TRPC6: variants seen among roughly 807,000 people sequenced by gnomAD.
TRPC6 encodes short transient receptor potential channel 6.
Under a neutral mutation model 90.7 loss-of-function variants are expected in TRPC6, and 55 were observed. That is an observed-to-expected ratio of 0.61 (90% confidence interval 0.49 to 0.76). The LOEUF is 0.76. Among genes scored for constraint, TRPC6 ranks in the 30% least tolerant of loss-of-function variants. The pLI is 0.00. For missense variants in TRPC6, 989 were observed against 1,122.7 expected, an observed-to-expected ratio of 0.88 and a Z score of 1.70; for synonymous variants, 393 against 393.0, an observed-to-expected ratio of 1.00 and a Z score of 0.00.
At chr11:101,538,161 T>C (rs1056300217) in intron 1 of TRPC6, among the ~76,000 whole-genome samples, 1 of 152,154 alleles carries the variant, frequency 6.6e-6, no homozygotes, top group Non-Finnish European at 1.5e-5. Flanking sequence ...CTCTCTTGTG[T>C]GGATTTTTGT....
chr11:101,571,324 G>T (rs1052846485), intron 1 of TRPC6, among the ~76,000 whole-genome samples: 9 of 152,224 alleles, frequency 5.9e-5, no homozygotes, highest in African/African-American at 2.2e-4. Flanking sequence ...GGATGTGAAA[G>T]ACCTCTTCAA....
intron 1 of TRPC6, among the ~76,000 whole-genome samples, chr11:101,543,893 T>A (rs1352985971): frequency 6.6e-6 from 1 of 152,062 alleles, no homozygotes; most frequent in Non-Finnish European, 1.5e-5. Context: ...TGCGATCTAA[T>A]TAAACTCAGG....
rs1858790974 is a variant in TRPC6, at chr11:101,452,727, C to CCAAA, written c.*224_*227dup. 3 of 533,818 alleles carry CCAAA rather than the reference C, an allele frequency of 5.6e-6. No homozygotes were observed. The highest frequency in any genetic ancestry group is 3.2e-5 in the Admixed American group (1 of 31,418). 33.1% of individuals were successfully genotyped at this position (533,818 alleles called of 1,614,324 possible). A position where few individuals can be genotyped will look rare whatever the true frequency, so the allele number is the denominator to read the frequency against. ...AAGAAAGCAGTTTATAAAACAAGCA[C>CCAAA]CAAACAACTGGGCATAATTTTCCTC... is the stretch of plus-strand genomic sequence containing the variant. On this transcript the variant is annotated 3_prime_UTR_variant, in exon 13 of 13. Coordinates refer to ENST00000344327, the MANE Select transcript of TRPC6 (RefSeq NM_004621.6).
chr11:101,490,570 T>C (rs886302922), intron 3 of TRPC6, among the ~76,000 whole-genome samples: 3 of 152,152 alleles, frequency 2.0e-5, no homozygotes, highest in African/African-American at 7.2e-5. Flanking sequence ...ATCCTCCCAC[T>C]GCAGTCTCCC....
Position 101,540,111 on chromosome 11 carries a change from A to G in TRPC6, c.171-35313T>C, listed in dbSNP as rs1211833574. Among the ~76,000 whole-genome samples the G allele has an allele frequency of 2.6e-5, 4 of 152,374 alleles. No homozygotes were observed. The East Asian group carries it at 7.7e-4, about 29-fold the overall frequency. On this transcript the variant is annotated intron_variant, in intron 1 of 12. Coordinates refer to ENST00000344327, the MANE Select transcript of TRPC6 (RefSeq NM_004621.6). Reference sequence around the variant, plus strand: ...GTTCTTTAGCTTCTCTTAGCTGTGAACAACACATATGTGTAAAATTCCTGT... The same window carrying G: ...GTTCTTTAGCTTCTCTTAGCTGTGAGCAACACATATGTGTAAAATTCCTGT...
intron 1 of TRPC6, among the ~76,000 whole-genome samples, chr11:101,569,659 A>T (rs778845438): frequency 6.6e-6 from 1 of 152,232 alleles, no homozygotes; most frequent in African/African-American, 2.4e-5. Context: ...GGAAATCATA[A>T]CAAACAAGTC....
At chr11:101,566,299 G>GATTT (rs1220469594) in intron 1 of TRPC6, among the ~76,000 whole-genome samples, 13 of 152,004 alleles carry the variant, frequency 8.6e-5, no homozygotes. Context: ...TTTTAAGTTG[G>GATTT]ATTTCTTCAT....
At chr11:101,457,408 T>C (rs1027048069) in intron 10 of TRPC6, among the ~76,000 whole-genome samples, 15 of 152,340 alleles carry the variant, frequency 9.8e-5, no homozygotes, top group African/African-American at 3.6e-4. Flanking sequence ...GAGTGAGCAA[T>C]ACTAATAACT....
At chr11:101,498,825 G>A (rs1043876602) in intron 2 of TRPC6, among the ~76,000 whole-genome samples, 4 of 152,008 alleles carry the variant, frequency 2.6e-5, no homozygotes, top group East Asian at 1.9e-4. Flanking sequence ...TCTTTTGCTC[G>A]CCCACCCACC....
At chr11:101,512,000 A>C (rs1860405149) in intron 1 of TRPC6, among the ~76,000 whole-genome samples, 1 of 152,104 alleles carries the variant, frequency 6.6e-6, no homozygotes, top group Non-Finnish European at 1.5e-5. Context: ...CTCAAAAAAC[A>C]AAACAAATAA....
chr11:101,527,764 A>G (rs149441926), intron 1 of TRPC6, among the ~76,000 whole-genome samples: 123 of 152,240 alleles, frequency 8.1e-4, no homozygotes, highest in African/African-American at 2.9e-3. Context: ...ATTTTCTGGA[A>G]TGTGATGGAG....
At chr11:101,569,130 G>C (rs546415826) in intron 1 of TRPC6, among the ~76,000 whole-genome samples, 2 of 150,244 alleles carry the variant, frequency 1.3e-5, no homozygotes, top group African/African-American at 4.9e-5. Flanking sequence ...CACATGCAAA[G>C]ACACACACAT....
chr11:101,472,353 G>A (rs773659135), intron 7 of TRPC6, 21 bp from the exon 8 acceptor site: 2 of 1,602,402 alleles, frequency 1.2e-6, no homozygotes, highest in South Asian at 1.1e-5. Flanking sequence ...AATAACAGAA[G>A]AAAAGAAATA....
chr11:101,480,116 T>TG (rs1258620101), intron 5 of TRPC6, among the ~76,000 whole-genome samples: 5 of 152,088 alleles, frequency 3.3e-5, no homozygotes, highest in Non-Finnish European at 7.4e-5. Flanking sequence ...AGGTGGAGGT[T>TG]GCGGTGAGCT....
At chr11:101,581,291 A>C (rs909681868) in intron 1 of TRPC6, among the ~76,000 whole-genome samples, 1 of 152,228 alleles carries the variant, frequency 6.6e-6, no homozygotes. Flanking sequence ...TAACATAGTG[A>C]GAACTTGTAG....
At chr11:101,461,051 T>C (rs1005880890) in intron 10 of TRPC6, among the ~76,000 whole-genome samples, 7 of 152,178 alleles carry the variant, frequency 4.6e-5, no homozygotes, top group South Asian at 2.1e-4. Context: ...ACTGGTAAGA[T>C]AGACTTAATT....
intron 2 of TRPC6, among the ~76,000 whole-genome samples, chr11:101,499,927 GTATA>G (rs1221099223): frequency 2.2e-5 from 2 of 92,336 alleles, no homozygotes; most frequent in East Asian, 2.7e-4. Context: ...TATAAAATGT[GTATA>G]TATATACACA....
At chr11:101,542,513 C>A (rs751350944) in intron 1 of TRPC6, among the ~76,000 whole-genome samples, 2 of 151,660 alleles carry the variant, frequency 1.3e-5, no homozygotes, top group African/African-American at 4.8e-5. Context: ...ATGCAGAAAC[C>A]AAATGATGTA....
In TRPC6 at chr11:101,558,190, C is replaced by CAT. The variant is rs1207662562; in HGVS notation, c.170+25142_170+25143dup. ...AAACACACAAATATATATAAACATA[C>CAT]ATATATATGTGTGTGTATACATGTA... On this transcript the variant is annotated intron_variant, in intron 1 of 12. Transcript: ENST00000344327. 3.0e-3 allele frequency among the ~76,000 whole-genome samples: 402 copies of CAT among 136,258 alleles called. 84 individuals are homozygous for CAT. Among genetic ancestry groups the CAT allele is most frequent in the African/African-American group, 0.011 (388 of 35,206 alleles). 89.4% of individuals were successfully genotyped at this position (136,258 alleles called of 152,430 possible). A position where few individuals can be genotyped will look rare whatever the true frequency, so the allele number is the denominator to read the frequency against.
Sources: gnomAD v4.1 joint callset for allele counts (sites outside exome capture counted in the v4.1 genomes callset) on GRCh38, gnomAD v4.1.1 for gene constraint, MANE v1.5 for transcripts, NCBI Gene and HGNC (gene_info 2026-07-23, HGNC 2026-07-21) for gene names.